The following SPATA21 variants were observed in gnomAD, a reference collection of about 807,000 sequenced individuals.
The protein encoded by SPATA21 is spermatogenesis associated 21, also known as spermatogenesis-associated protein 21.
A neutral mutation model predicts 54.8 loss-of-function variants in SPATA21; 47 were observed. The ratio of observed to expected loss-of-function variants is 0.86; its 90% CI spans 0.68 to 1.09. SPATA21 has a LOEUF of 1.09. SPATA21 is among the 50% of genes least tolerant of loss of function. The probability of loss-of-function intolerance (pLI) is 0.00; values close to 1 mark genes in which losing one functional copy is unlikely to be tolerated. For missense variants in SPATA21, 599 were observed against 596.4 expected (o/e 1.00, Z -0.05); for synonymous variants, 245 against 235.3 (o/e 1.04, Z -0.38).
chr1:16,402,128 GAC>G (rs1286211032), intron 10 of SPATA21, among the ~76,000 whole-genome samples: 1 of 152,024 alleles, frequency 6.6e-6, no homozygotes, highest in African/African-American at 2.4e-5. Flanking sequence ...GGGATTCTCT[GAC>G]ACACGTGCAA....
intron 3 of SPATA21, among the ~76,000 whole-genome samples, chr1:16,424,106 A>C (rs114347821): frequency 0.011 from 1,594 of 150,704 alleles, 31 homozygotes; most frequent in African/African-American, 0.037. Context: ...GTACACTTAA[A>C]GTATGTGCAA....
Position 16,404,986 on chromosome 1 carries a change from CAG to C in SPATA21, c.790_791del (p.Leu264AspfsTer4). 3 of 1,603,060 alleles carry C rather than the reference CAG, an allele frequency of 1.9e-6. No individual in the cohort carries two copies. The highest frequency in any genetic ancestry group is 2.5e-6 in the Non-Finnish European group (3 of 1,176,888). ...SVTLAQVEDA[L>X]MSADVNGDGR... is the part of the protein sequence containing the mutation. ...ACTCACCATTGACATCAGCACTCAT[CAG>C]GGCGTCCTCCACCTGGGCCAGCGTC... On this transcript the variant is annotated frameshift_variant, in exon 8 of 13. Transcript: ENST00000335496. LOFTEE classifies it high-confidence loss of function.
At chr1:16,416,731 G>A (rs959325624) in intron 5 of SPATA21, among the ~76,000 whole-genome samples, 1 of 151,996 alleles carries the variant, frequency 6.6e-6, no homozygotes, top group African/African-American at 2.4e-5. Context: ...AAGATAGGGA[G>A]GGACTGGCTG....
At chr1:16,410,171 C>T in intron 5 of SPATA21, 128 bp from the exon 6 acceptor site, 1 of 756,040 alleles carries the variant, frequency 1.3e-6, no homozygotes, top group Non-Finnish European at 2.1e-6. Context: ...GGAGGATGTA[C>T]CCCAAATCTC....
intron 11 of SPATA21, among the ~76,000 whole-genome samples, chr1:16,400,269 G>A (rs1490222632): frequency 1.3e-5 from 2 of 152,182 alleles, no homozygotes; most frequent in South Asian, 2.1e-4. Context: ...CGCCCACCTC[G>A]GCCTCCCAAA....
Position 16,398,793 on chromosome 1 carries a change from A to C in SPATA21, c.1382T>G (p.Leu461Arg). 6.2e-7 allele frequency: 1 copy of C among 1,613,732 alleles called. No individual in the cohort carries two copies. Among genetic ancestry groups the C allele is most frequent in the South Asian group, 1.1e-5 (1 of 91,066 alleles). Residue 461 changes from leucine (L) to arginine (R), a missense_variant, in exon 13 of 13, where the codon CTC (leucine) becomes CGC (arginine). By Grantham distance (102) the Leu-to-Arg change is moderately radical. Transcript: ENST00000335496. ...REHNSDSRKW[L>R]SSVPARTH ...GTGGGTTCGAGCTGGCACAGAGCTG[A>C]GCCACTTTCTGCTGTCAGAGTTGTG... is the stretch of plus-strand genomic sequence containing the variant.
Position 16,402,249 on chromosome 1 carries a change from C to CTTTTTT in SPATA21, c.1002-1363_1002-1358dup, listed in dbSNP as rs869032281. ...CTTCTGGCAGTTCTGAGCTGCCATT[C>CTTTTTT]TTTTTTTTTTTTTTTTTTTTTTTTT... On this transcript the variant is annotated intron_variant, in intron 10 of 12. Coordinates refer to ENST00000335496, the MANE Select transcript of SPATA21 (RefSeq NM_198546.1). 9.5e-3 allele frequency among the ~76,000 whole-genome samples: 530 copies of CTTTTTT among 55,966 alleles called. 67 individuals carry two copies. Among genetic ancestry groups the CTTTTTT allele is most frequent in the South Asian group, 0.011 (11 of 994 alleles). 36.7% of individuals were successfully genotyped at this position (55,966 alleles called of 152,430 possible). A position where few individuals can be genotyped will look rare whatever the true frequency, so the allele number is the denominator to read the frequency against.
At chr1:16,432,170 G>A (rs933914333) in intron 2 of SPATA21, among the ~76,000 whole-genome samples, 2 of 145,078 alleles carry the variant, frequency 1.4e-5, no homozygotes, top group Non-Finnish European at 3.0e-5. Flanking sequence ...TGCCCAGGCT[G>A]GAGTGCAGTG....
rs74992327 is a variant in SPATA21 at position 16,398,775 on chromosome 1, C to T, written c.1400G>A (p.Arg467Gln). ...CAGGCCTCCAGAGGGTCAGTGGGTTCGAGCTGGCACAGAGCTGAGCCACTT... is the reference window on the plus strand; with the variant it reads ...CAGGCCTCCAGAGGGTCAGTGGGTTTGAGCTGGCACAGAGCTGAGCCACTT... The part of the protein sequence containing the change: ...SRKWLSSVPA[R>Q]TH Residue 467 changes from arginine to glutamine, a missense_variant, in exon 13 of 13, where the codon CGA becomes CAA. Transcript: ENST00000335496. 1,948 of 1,613,828 alleles carry T rather than the reference C, an allele frequency of 1.2e-3. 16 individuals carry two copies. In the African/African-American group the frequency reaches 0.023, roughly 19 times the overall value.
At chr1:16,417,106 T>C (rs180842565) in intron 5 of SPATA21, among the ~76,000 whole-genome samples, 1 of 152,314 alleles carries the variant, frequency 6.6e-6, no homozygotes, top group African/African-American at 2.4e-5. Context: ...TCACAGCCAG[T>C]CTAGCTTTTC....
intron 3 of SPATA21, among the ~76,000 whole-genome samples, chr1:16,424,196 C>G (rs1365522859): frequency 7.2e-6 from 1 of 138,466 alleles, no homozygotes; most frequent in Non-Finnish European, 1.5e-5. Context: ...ACCTGTAATC[C>G]CAGCACTTTG....
intron 11 of SPATA21, chr1:16,400,372 A>G (rs1339858582): frequency 2.3e-6 from 2 of 881,688 alleles, no homozygotes; most frequent in African/African-American, 3.6e-5. Flanking sequence ...TGAGTATTAA[A>G]TTCTAGAGCA....
chr1:16,424,260 C>T (rs1181792268), intron 3 of SPATA21, among the ~76,000 whole-genome samples: 2 of 18,242 alleles, frequency 1.1e-4, no homozygotes, highest in African/African-American at 2.2e-4. Context: ...TTGCAGTGAG[C>T]CGAGATTGCG....
intron 3 of SPATA21, chr1:16,431,102 G>A: frequency 1.0e-6 from 1 of 968,304 alleles, no homozygotes; most frequent in African/African-American, 1.6e-5. Flanking sequence ...TCTCTTTTCT[G>A]CTTAATCCAG....
chr1:16,420,592 C>A (rs2086143461), intron 5 of SPATA21, among the ~76,000 whole-genome samples: 2 of 151,988 alleles, frequency 1.3e-5, no homozygotes, highest in Admixed American at 1.3e-4. Context: ...ATGGAATCGT[C>A]CTGTAGTAAC....
At chr1:16,404,510 GA>G (rs2100791151) in intron 8 of SPATA21, among the ~76,000 whole-genome samples, 1 of 152,032 alleles carries the variant, frequency 6.6e-6, no homozygotes, top group Non-Finnish European at 1.5e-5. Flanking sequence ...AGGAAAAAAA[GA>G]AAAATTGTTA....
chr1:16,414,829 G>T (rs1037523734), intron 5 of SPATA21, among the ~76,000 whole-genome samples: 14 of 146,210 alleles, frequency 9.6e-5, no homozygotes, highest in Non-Finnish European at 1.8e-4. Context: ...GGAGGTGGAG[G>T]TTGAGGTGAG....
rs2100767736 is a variant in SPATA21, at chr1:16,398,701, C to T, written c.*64G>A. ...ACAAAAGCAAATCCCAGCAGCAGCT[C>T]CTGCCTGGTGGCCCATCTGTCTACA... On this transcript the variant is annotated 3_prime_UTR_variant, in exon 13 of 13. Coordinates refer to ENST00000335496, the MANE Select transcript of SPATA21 (RefSeq NM_198546.1). 6.3e-7 allele frequency: 1 copy of T among 1,580,484 alleles called. No individual in the cohort carries two copies. Among genetic ancestry groups the T allele is most frequent in the Non-Finnish European group, 8.7e-7 (1 of 1,150,240 alleles).
In SPATA21 at chr1:16,412,556, G is replaced by A. The variant is rs541059880; in HGVS notation, c.145-2513C>T. Among the ~76,000 whole-genome samples, 14 of 152,184 alleles carry A rather than the reference G, an allele frequency of 9.2e-5. No homozygotes were observed. The East Asian group carries it at 1.2e-3, about 13-fold the overall frequency. On this transcript the variant is annotated intron_variant, in intron 5 of 12. Coordinates refer to ENST00000335496, the MANE Select transcript of SPATA21 (RefSeq NM_198546.1). ...TGGCTCACTGCAACCGCTGCCTCCC[G>A]TGTTCAAGCAATTCTCCTGCCTCAG...
Sources: gnomAD v4.1 joint callset for allele counts (sites outside exome capture counted in the v4.1 genomes callset) on GRCh38, gnomAD v4.1.1 for gene constraint, MANE v1.5 for transcripts, NCBI Gene and HGNC (gene_info 2026-07-23, HGNC 2026-07-21) for gene names.